Variants in PAPPA observed in about 807,000 individuals in gnomAD.
The protein encoded by PAPPA is pappalysin-1.
PAPPA carries 60 observed loss-of-function variants against 164.0 expected under a neutral mutation model. The ratio of observed to expected loss-of-function variants is 0.37; its 90% CI spans 0.30 to 0.45. The LOEUF (loss-of-function observed/expected upper bound fraction) is 0.45, where lower values mean the gene tolerates loss of function less well. Ranked by LOEUF, PAPPA falls within the 20% of genes least tolerant of loss-of-function variation. The pLI, the probability that PAPPA is intolerant of heterozygous loss-of-function variation, is 1.00. For synonymous variants in PAPPA, 875 were observed against 814.1 expected (o/e 1.07, Z -1.27); for missense variants, 1,782 against 2,087.3 (o/e 0.85, Z 2.85).
intron 17 of PAPPA, among the ~76,000 whole-genome samples, chr9:116,361,199 C>G (rs1445775845): frequency 6.6e-6 from 1 of 152,162 alleles, no homozygotes; most frequent in Non-Finnish European, 1.5e-5. Flanking sequence ...TCACAGGAAG[C>G]CATTGCATAA....
At position 116,400,030 on chromosome 9, in the gene PAPPA, A is replaced by C. The variant is rs1847026249; in HGVS notation, c.*3414A>C. ...GGTCTTACCTGTGTGAAAGAAAGAA[A>C]AAGAAAGAAAGAAAGAAAGAGAAAG... On this transcript the variant is annotated 3_prime_UTR_variant, in exon 22 of 22. Coordinates refer to ENST00000328252, the MANE Select transcript of PAPPA (RefSeq NM_002581.5). 1 of 142,828 alleles carries C rather than the reference A, an allele frequency of 7.0e-6. No homozygotes were observed. Among genetic ancestry groups the C allele is most frequent in the South Asian group, 2.2e-4 (1 of 4,480 alleles). 8.8% of individuals were successfully genotyped at this position (142,828 alleles called of 1,614,324 possible).
At chr9:116,330,721 C>T (rs1398179223) in intron 10 of PAPPA, among the ~76,000 whole-genome samples, 5 of 152,128 alleles carry the variant, frequency 3.3e-5, no homozygotes, top group Non-Finnish European at 5.9e-5. Flanking sequence ...TGTAATATCA[C>T]TTGGAGCACA....
chr9:116,286,855 G>T (rs921868043), intron 9 of PAPPA: 1 of 152,060 alleles, frequency 6.6e-6, no homozygotes, highest in Admixed American at 6.5e-5. Context: ...CCTCATAACA[G>T]TTGGGAAGGT....
intron 1 of PAPPA, among the ~76,000 whole-genome samples, chr9:116,162,677 G>A (rs1407001234): frequency 6.6e-6 from 1 of 152,184 alleles, no homozygotes; most frequent in Non-Finnish European, 1.5e-5. Flanking sequence ...CCTCCATGTG[G>A]AAAATGCTTA....
chr9:116,185,919 T>C (rs1480693358), intron 1 of PAPPA, among the ~76,000 whole-genome samples: 1 of 152,088 alleles, frequency 6.6e-6, no homozygotes, highest in Non-Finnish European at 1.5e-5. Flanking sequence ...GGAGCTGCTA[T>C]AGAATTAGGG....
chr9:116,204,588 G>A (rs147412632), intron 2 of PAPPA, among the ~76,000 whole-genome samples: 2,113 of 151,794 alleles, frequency 0.014, 25 homozygotes, highest in Non-Finnish European at 0.02. Flanking sequence ...TAAATTTTTT[G>A]AATTTTTTGT....
chr9:116,170,623 C>T (rs1398713790), intron 1 of PAPPA, among the ~76,000 whole-genome samples: 1 of 141,252 alleles, frequency 7.1e-6, no homozygotes, highest in East Asian at 2.5e-4. Flanking sequence ...CCCCTTATCT[C>T]CCCCCACTCC....
intron 1 of PAPPA, among the ~76,000 whole-genome samples, chr9:116,168,034 C>T (rs10759832): frequency 0.5 from 75,756 of 152,008 alleles, 20,387 homozygotes; most frequent in Non-Finnish European, 0.61. Context: ...GCTCTTTCCA[C>T]TGGGTCACTT....
At chr9:116,180,406 GAAAATCA>G (rs1843889872) in intron 1 of PAPPA, among the ~76,000 whole-genome samples, 4 of 152,070 alleles carry the variant, frequency 2.6e-5, no homozygotes, top group Admixed American at 2.6e-4. Context: ...TCCTTGGAGG[GAAAATCA>G]ATTAACCTCT....
At chr9:116,227,682 C>A in intron 6 of PAPPA, 130 bp downstream of exon 6, 2 of 982,140 alleles carry the variant, frequency 2.0e-6, no homozygotes, top group Non-Finnish European at 2.9e-6. Flanking sequence ...CATCATCCTG[C>A]AAGGTTAGTA....
intron 9 of PAPPA, among the ~76,000 whole-genome samples, chr9:116,294,323 A>T (rs991474848): frequency 3.9e-5 from 6 of 152,214 alleles, no homozygotes; most frequent in African/African-American, 1.4e-4. Context: ...CCTCAGATTC[A>T]GGTCTCCTTC....
intron 7 of PAPPA, 133 bp downstream of exon 7, chr9:116,235,770 T>A: frequency 1.2e-6 from 1 of 862,542 alleles, no homozygotes; most frequent in Admixed American, 1.9e-5. Context: ...TAACCCATCA[T>A]TGGGTGTAGA....
At chr9:116,275,333 G>A (rs527327540) in intron 9 of PAPPA, among the ~76,000 whole-genome samples, 67 of 152,216 alleles carry the variant, frequency 4.4e-4, no homozygotes, top group Non-Finnish European at 2.5e-4. Flanking sequence ...GGAATGTTGC[G>A]GGCACAGGAT....
intron 15 of PAPPA, among the ~76,000 whole-genome samples, chr9:116,349,969 C>A (rs1177709964): frequency 2.0e-5 from 3 of 152,200 alleles, no homozygotes; most frequent in Admixed American, 2.0e-4. Flanking sequence ...TCTTCTAAAG[C>A]AAGTTGCCAC....
At chr9:116,209,534 G>C (rs1240646091) in intron 3 of PAPPA, among the ~76,000 whole-genome samples, 1 of 152,178 alleles carries the variant, frequency 6.6e-6, no homozygotes, top group African/African-American at 2.4e-5. Flanking sequence ...TCAGGGCCAG[G>C]AATAAGGGAG....
intron 13 of PAPPA, among the ~76,000 whole-genome samples, chr9:116,344,209 GA>G (rs1035850527): frequency 1.3e-5 from 2 of 152,170 alleles, no homozygotes; most frequent in Non-Finnish European, 2.9e-5. Context: ...GTGCCTGGTA[GA>G]AAAATGCAAT....
At chr9:116,346,909 G>A in intron 14 of PAPPA, 117 bp from the exon 15 acceptor site, 1 of 677,692 alleles carries the variant, frequency 1.5e-6, no homozygotes, top group Non-Finnish European at 2.5e-6. Flanking sequence ...TAAACACTAA[G>A]CATTGGTCTC....
At chr9:116,308,724 C>G (rs1845678257) in intron 10 of PAPPA, among the ~76,000 whole-genome samples, 1 of 152,198 alleles carries the variant, frequency 6.6e-6, no homozygotes, top group Admixed American at 6.5e-5. Context: ...TTCCCTCTCT[C>G]TAATACCCAA....
At chr9:116,276,914 A>G (rs1435369804) in intron 9 of PAPPA, among the ~76,000 whole-genome samples, 2 of 152,148 alleles carry the variant, frequency 1.3e-5, no homozygotes, top group African/African-American at 4.8e-5. Flanking sequence ...TGGGAGGGGC[A>G]GGGGTTCACC....
Sources: allele counts gnomAD v4.1 joint callset (sites outside exome capture counted in the v4.1 genomes callset), GRCh38; gene constraint gnomAD v4.1.1; transcripts MANE v1.5; gene names NCBI Gene and HGNC (gene_info 2026-07-23, HGNC 2026-07-21).